The following KIF21B variants were observed in gnomAD, a reference collection of about 807,000 sequenced individuals.
The protein encoded by KIF21B is kinesin-like protein KIF21B.
In KIF21B, 85 loss-of-function variants were observed where a neutral mutation model predicts 192.9. The observed-to-expected ratio is 0.44, with a 90% CI of 0.37 to 0.53. The LOEUF is 0.53. Ranked by LOEUF, KIF21B falls within the 20% of genes least tolerant of loss-of-function variation. The probability of loss-of-function intolerance (pLI) is 0.00; values close to 1 mark genes in which losing one functional copy is unlikely to be tolerated. For synonymous variants in KIF21B, 832 were observed against 884.6 expected (o/e 0.94, Z 1.05); for missense variants, 1,716 against 2,194.8 (o/e 0.78, Z 4.36).
chr1:201,011,453 A>G (rs1658229707), intron 1 of KIF21B, among the ~76,000 whole-genome samples: 1 of 152,182 alleles, frequency 6.6e-6, no homozygotes, highest in South Asian at 2.1e-4. Flanking sequence ...CAGGGCTTGA[A>G]CCTATGCAGT....
At chr1:201,011,534 G>A (rs1658236604) in intron 1 of KIF21B, among the ~76,000 whole-genome samples, 1 of 152,216 alleles carries the variant, frequency 6.6e-6, no homozygotes, top group South Asian at 2.1e-4. Context: ...AGTGCCAGGG[G>A]GAAAGAACAT....
At chr1:201,005,069 A>G in intron 5 of KIF21B, 136 bp from the exon 6 acceptor site, 2 of 1,073,668 alleles carry the variant, frequency 1.9e-6, no homozygotes, top group Non-Finnish European at 2.7e-6. Context: ...GCATCTGACA[A>G]TGTGCACAGT....
chr1:201,008,784 G>T lies in KIF21B; in HGVS notation c.432C>A (p.Ser144Arg), dbSNP rs749794897. Residue 144 changes from serine to arginine, a missense_variant, in exon 3 of 35, where the codon AGC becomes AGA. Transcript: ENST00000461742. ...QGVAGPEFKV[S>R]AQFLELYNEE... ...GCCACAGTACCTCCAGAAACTGGGC[G>T]CTGACTTTGAACTCAGGTCCAGCCA... is the stretch of plus-strand genomic sequence containing the variant. 1 of 1,600,136 alleles carries T rather than the reference G, an allele frequency of 6.2e-7. No individual in the cohort carries two copies. Among genetic ancestry groups the T allele is most frequent in the East Asian group, 2.2e-5 (1 of 44,838 alleles).
chr1:201,004,313 C>G, intron 7 of KIF21B, 27 bp downstream of exon 7: 7 of 1,530,616 alleles, frequency 4.6e-6, no homozygotes, highest in Non-Finnish European at 6.2e-6. Flanking sequence ...TCCCCTGTCC[C>G]TTCCCTGGGT....
In KIF21B at chr1:201,017,608, G is replaced by A. The variant is rs1427488768; in HGVS notation, c.41+5735C>T. ...GAATGGCCAGTGGGGACTGGGCCCTGGGGATGCTCCCCTGCTGAGGAATGC... is the reference window on the plus strand; with the variant it reads ...GAATGGCCAGTGGGGACTGGGCCCTAGGGATGCTCCCCTGCTGAGGAATGC... On this transcript the variant is annotated intron_variant, in intron 1 of 34. Coordinates refer to ENST00000461742, the MANE Select transcript of KIF21B (RefSeq NM_001252102.2). This position sits in a 1 kb window ranked among gnomAD's most constrained non-coding sequence, Gnocchi z 4.1. Among the ~76,000 whole-genome samples, 1 of 152,230 alleles carries A rather than the reference G, an allele frequency of 6.6e-6. No homozygotes were observed. The highest frequency in any genetic ancestry group is 1.5e-5 in the Non-Finnish European group (1 of 68,034).
At position 201,000,024 on chromosome 1, in the gene KIF21B, G is replaced by T; in HGVS notation, c.1686-60C>A. The T allele has an allele frequency of 2.0e-6, 3 of 1,471,174 alleles. No homozygotes were observed. The highest frequency in any genetic ancestry group is 1.7e-4 in the Middle Eastern group (1 of 5,760). 91.1% of individuals were successfully genotyped at this position (1,471,174 alleles called of 1,614,324 possible). On this transcript the variant is annotated intron_variant, in intron 11 of 34. Coordinates refer to ENST00000461742, the MANE Select transcript of KIF21B (RefSeq NM_001252102.2). This position sits in a 1 kb window ranked among gnomAD's most constrained non-coding sequence, Gnocchi z 6.0. ...GGCTGCCCCTGCCCTGAGCACATGG[G>T]CAGGACGGCGGCAGCGGCAGAAAAG...
In KIF21B at chr1:200,979,263, C is replaced by T. The variant is rs112032028; in HGVS notation, c.4160+272G>A. 3.1e-3 allele frequency among the ~76,000 whole-genome samples: 467 copies of T among 152,246 alleles called. 1 individual carries two copies. The highest frequency in any genetic ancestry group is 0.01 in the African/African-American group (429 of 41,524). On this transcript the variant is annotated intron_variant, in intron 30 of 34. Transcript: ENST00000461742. ...CAGACTCATAGGATGATATCTAACA[C>T]ACCTCAAGGGGCAGGGCTTGGGGGA...
rs145255265 is a variant in KIF21B at position 200,996,647 on chromosome 1, C to G, written c.2078-252G>C. On this transcript the variant is annotated intron_variant, in intron 14 of 34. Coordinates refer to ENST00000461742, the MANE Select transcript of KIF21B (RefSeq NM_001252102.2). ...GTTTTCATCTTAAGATCTCTGAACC[C>G]CTGGTCCCCAACTTCCCACGAGGGT... Among the ~76,000 whole-genome samples, 321 of 152,248 alleles carry G rather than the reference C, an allele frequency of 2.1e-3. 1 individual carries two copies. Among genetic ancestry groups the G allele is most frequent in the African/African-American group, 7.5e-3 (311 of 41,522 alleles).
chr1:200,999,538 C>G lies in KIF21B; in HGVS notation c.1768-72G>C. The stretch of plus-strand genomic sequence containing the variant: ...GCCCAGAAGCAGAGGTGCATCCCGA[C>G]ACAATGCCTCAGGTGTGTCAGGAGG... On this transcript the variant is annotated intron_variant, in intron 12 of 34. Coordinates refer to ENST00000461742, the MANE Select transcript of KIF21B (RefSeq NM_001252102.2). This position sits in a 1 kb window ranked among gnomAD's most constrained non-coding sequence, Gnocchi z 4.7. 4 of 1,574,028 alleles carry G rather than the reference C, an allele frequency of 2.5e-6. No homozygotes were observed. Among genetic ancestry groups the G allele is most frequent in the Non-Finnish European group, 3.4e-6 (4 of 1,160,788 alleles).
Position 201,002,240 on chromosome 1 carries a change from C to T in KIF21B, c.1323G>A (p.Met441Ile), listed in dbSNP as rs1431469227. Residue 441 changes from methionine (M) to isoleucine (I), a missense_variant, in exon 9 of 35, where the codon ATG (methionine) becomes ATA (isoleucine). Transcript: ENST00000461742. The part of the protein sequence containing the change: ...NGALRLRVKA[M>I]QEAIDAINNR... ...TGTTGATGGCATCGATGGCCTCCTG[C>T]ATGGCTTTCACCCGCAGCCGCAGGG... 1 of 1,614,132 alleles carries T rather than the reference C, an allele frequency of 6.2e-7. No individual in the cohort carries two copies.
chr1:200,991,589 C>A, intron 17 of KIF21B, 68 bp downstream of exon 17: 1 of 1,469,994 alleles, frequency 6.8e-7, no homozygotes, highest in Admixed American at 1.7e-5. Context: ...AGAAGGCAAG[C>A]AATGCACACA....
At chr1:200,988,607 A>G (rs942879203) in intron 22 of KIF21B, 63 bp from the exon 23 acceptor site, 1 of 1,472,166 alleles carries the variant, frequency 6.8e-7, no homozygotes. Flanking sequence ...CGGGGGAGGG[A>G]TGATGGTCTC....
At chr1:201,018,173 T>C (rs370827532) in intron 1 of KIF21B, among the ~76,000 whole-genome samples, 37 of 152,312 alleles carry the variant, frequency 2.4e-4, no homozygotes, top group African/African-American at 8.7e-4. Flanking sequence ...CTAGCACACA[T>C]GGGGTTCCGC....
In KIF21B at chr1:200,973,352, A is replaced by T; in HGVS notation, c.*169T>A. Reference sequence around the variant, plus strand: ...GCTCCTGAGAGGCAGGGGAGGGATGAGGGAACAGTGTCCTGTGGGAAGGCC... The same window carrying T: ...GCTCCTGAGAGGCAGGGGAGGGATGTGGGAACAGTGTCCTGTGGGAAGGCC... On this transcript the variant is annotated 3_prime_UTR_variant, in exon 35 of 35. Coordinates refer to ENST00000461742, the MANE Select transcript of KIF21B (RefSeq NM_001252102.2). 1 of 736,960 alleles carries T rather than the reference A, an allele frequency of 1.4e-6. No individual in the cohort carries two copies. The highest frequency in any genetic ancestry group is 2.0e-6 in the Non-Finnish European group (1 of 512,238). 45.7% of individuals were successfully genotyped at this position (736,960 alleles called of 1,614,324 possible). A position where few individuals can be genotyped will look rare whatever the true frequency, so the allele number is the denominator to read the frequency against.
At chr1:200,981,385 C>G (rs550914842) in intron 28 of KIF21B, among the ~76,000 whole-genome samples, 16 of 152,340 alleles carry the variant, frequency 1.1e-4, no homozygotes, top group African/African-American at 3.8e-4. Flanking sequence ...GGTGTGGGCT[C>G]TGTCCACAGA....
At chr1:200,983,923 G>A (rs887142612) in intron 27 of KIF21B, among the ~76,000 whole-genome samples, 2 of 152,158 alleles carry the variant, frequency 1.3e-5, no homozygotes, top group African/African-American at 4.8e-5. Context: ...AGGTGGGGAG[G>A]GTGGACATCA....
chr1:200,978,166 C>T (rs1655684483), intron 30 of KIF21B, among the ~76,000 whole-genome samples: 1 of 152,052 alleles, frequency 6.6e-6, no homozygotes, highest in South Asian at 2.1e-4. Flanking sequence ...TCTCCTGCCT[C>T]AGCCTCCTGA....
intron 3 of KIF21B, among the ~76,000 whole-genome samples, chr1:201,006,963 C>T (rs930149125): frequency 7.2e-6 from 1 of 138,672 alleles, no homozygotes; most frequent in Non-Finnish European, 1.5e-5. Context: ...CACACACACA[C>T]AGACACCCAC....
At position 201,000,070 on chromosome 1, in the gene KIF21B, G is replaced by T. The variant is rs1369154578; in HGVS notation, c.1686-106C>A. On this transcript the variant is annotated intron_variant, in intron 11 of 34. Coordinates refer to ENST00000461742, the MANE Select transcript of KIF21B (RefSeq NM_001252102.2). The surrounding 1 kb of genome is among the most constrained non-coding windows in gnomAD (Gnocchi z 6.0). ...AAAAGGAAGGCTCTCACCAGAGGCC[G>T]GGGAGAGCACTGGCTCCTACTCTGC... 4 of 1,021,800 alleles carry T rather than the reference G, an allele frequency of 3.9e-6. No homozygotes were observed. The highest frequency in any genetic ancestry group is 6.0e-6 in the Non-Finnish European group (4 of 662,314). The allele number at this position is 1,021,800 out of a possible 1,614,324, so 63.3% of individuals were successfully genotyped here.
Sources: gnomAD v4.1 joint callset for allele counts (sites outside exome capture counted in the v4.1 genomes callset) on GRCh38, gnomAD v4.1.1 for gene constraint, Gnocchi (gnomAD v3.1) non-coding constraint, MANE v1.5 for transcripts, NCBI Gene and HGNC (gene_info 2026-07-23, HGNC 2026-07-21) for gene names.